Variants in EHBP1 observed in about 807,000 individuals in gnomAD.
EHBP1 encodes the protein EH domain binding protein 1.
A neutral mutation model predicts 144.0 loss-of-function variants in EHBP1; 55 were observed. The ratio of observed to expected loss-of-function variants is 0.38; its 90% CI spans 0.31 to 0.48. EHBP1 has a LOEUF of 0.48. Ranked by LOEUF, EHBP1 falls within the 20% of genes least tolerant of loss-of-function variation. EHBP1 has a pLI of 0.98. For synonymous variants in EHBP1, 469 were observed against 472.7 expected, an observed-to-expected ratio of 0.99 and a Z score of 0.10; for missense variants, 1,200 against 1,364.2, an observed-to-expected ratio of 0.88 and a Z score of 1.90.
rs2059529287 is a variant in EHBP1, at chr2:62,993,986, AT to A, written c.2979+15del. 1 of 1,540,946 alleles carries A rather than the reference AT, an allele frequency of 6.5e-7. No individual in the cohort carries two copies. Among genetic ancestry groups the A allele is most frequent in the Admixed American group, 1.9e-5 (1 of 51,496 alleles). On this transcript the variant is annotated intron_variant, in intron 18 of 22. Coordinates refer to ENST00000431489, the MANE Select transcript of EHBP1 (RefSeq NM_001142616.3). ...AAGATGAAGTGCTTAATGTATATTA[AT>A]TTTTTGTGTGGTTTCATGATTGCTG... is the stretch of plus-strand genomic sequence containing the variant.
chr2:62,738,889 G>T (rs1249237161), intron 2 of EHBP1, among the ~76,000 whole-genome samples: 2 of 152,088 alleles, frequency 1.3e-5, no homozygotes, highest in Non-Finnish European at 2.9e-5. Context: ...CTTCCTTCAA[G>T]TTCTTTTTCT....
At chr2:62,884,073 G>A (rs1412081918) in intron 10 of EHBP1, among the ~76,000 whole-genome samples, 2 of 152,180 alleles carry the variant, frequency 1.3e-5, no homozygotes, top group Non-Finnish European at 2.9e-5. Context: ...ATTTCTGTGT[G>A]TATAAAAAAT....
chr2:62,701,173 A>C (rs1166317819), upstream of EHBP1, among the ~76,000 whole-genome samples: 1 of 152,206 alleles, frequency 6.6e-6, no homozygotes, highest in East Asian at 1.9e-4. Flanking sequence ...GCACTGTCCA[A>C]TAGGAATATA....
intron 5 of EHBP1, among the ~76,000 whole-genome samples, chr2:62,794,347 GATAA>G (rs1163261858): frequency 2.0e-5 from 3 of 152,024 alleles, no homozygotes; most frequent in African/African-American, 4.8e-5. Context: ...TTGGTAGCTT[GATAA>G]ATAGTTTTAT....
intron 5 of EHBP1, among the ~76,000 whole-genome samples, chr2:62,806,773 A>G (rs1018708906): frequency 6.6e-6 from 1 of 151,580 alleles, no homozygotes; most frequent in African/African-American, 2.4e-5. Context: ...GTTCCCCCAG[A>G]GTTTGCAGTC....
chr2:62,997,796 A>T (rs1381942544), intron 19 of EHBP1, among the ~76,000 whole-genome samples: 1 of 152,150 alleles, frequency 6.6e-6, no homozygotes, highest in Non-Finnish European at 1.5e-5. Context: ...TTAGAACAGG[A>T]AGGAACCTTA....
At chr2:62,965,327 C>G (rs1276133764) in intron 14 of EHBP1, among the ~76,000 whole-genome samples, 3 of 152,184 alleles carry the variant, frequency 2.0e-5, no homozygotes, top group African/African-American at 7.2e-5. Flanking sequence ...TTTCCTCTCT[C>G]TTCATTAAGA....
intron 15 of EHBP1, among the ~76,000 whole-genome samples, chr2:62,985,220 A>G (rs571256657): frequency 5.9e-5 from 9 of 152,232 alleles, no homozygotes; most frequent in African/African-American, 2.2e-4. Context: ...TTAGGTCAGC[A>G]ATTTTGCATG....
chr2:62,874,161 A>G (rs1299239879), intron 9 of EHBP1, among the ~76,000 whole-genome samples, 185 bp from the exon 10 acceptor site: 3 of 152,190 alleles, frequency 2.0e-5, no homozygotes, highest in African/African-American at 7.2e-5. Context: ...AAACCAAATT[A>G]AAAAATAAAT....
chr2:62,764,763 G>A (rs940516659), intron 4 of EHBP1, among the ~76,000 whole-genome samples: 11 of 152,114 alleles, frequency 7.2e-5, no homozygotes, highest in Non-Finnish European at 1.3e-4. Context: ...AATGTAACAA[G>A]ATGTGTTTTA....
intron 14 of EHBP1, among the ~76,000 whole-genome samples, chr2:62,978,201 C>CTT (rs1337320404): frequency 1.9e-4 from 26 of 139,552 alleles, no homozygotes; most frequent in Admixed American, 2.9e-4. Flanking sequence ...ATTAATAATC[C>CTT]TTTTTTTTTT....
intron 2 of EHBP1, among the ~76,000 whole-genome samples, chr2:62,724,282 T>G (rs1446000901): frequency 2.6e-5 from 4 of 152,236 alleles, no homozygotes; most frequent in Non-Finnish European, 5.9e-5. Flanking sequence ...TTCTTGTGAT[T>G]GCATTATGAA....
At chr2:62,767,602 A>G (rs188372307) in intron 4 of EHBP1, among the ~76,000 whole-genome samples, 1 of 152,150 alleles carries the variant, frequency 6.6e-6, no homozygotes, top group East Asian at 1.9e-4. Context: ...TGGGAGGTTG[A>G]GGCAAGGAGA....
intron 19 of EHBP1, among the ~76,000 whole-genome samples, chr2:63,009,791 G>C (rs1476195734): frequency 6.6e-6 from 1 of 151,422 alleles, no homozygotes; most frequent in Non-Finnish European, 1.5e-5. Flanking sequence ...TGAAACCTCA[G>C]ACTGTACTGT....
chr2:62,943,752 C>T, intron 11 of EHBP1, 50 bp from the exon 12 acceptor site: 1 of 1,271,640 alleles, frequency 7.9e-7, no homozygotes, highest in Non-Finnish European at 1.1e-6. Flanking sequence ...TTAAAAACAG[C>T]TGTTTTTATC....
intron 10 of EHBP1, among the ~76,000 whole-genome samples, chr2:62,913,993 A>G (rs1429072349): frequency 6.6e-6 from 1 of 152,000 alleles, no homozygotes; most frequent in Non-Finnish European, 1.5e-5. Context: ...TCCTTTGTTT[A>G]TAACACCAAA....
At chr2:62,936,668 T>C (rs746748144) in intron 10 of EHBP1, among the ~76,000 whole-genome samples, 4 of 151,884 alleles carry the variant, frequency 2.6e-5, no homozygotes, top group African/African-American at 4.8e-5. Flanking sequence ...TGGTTGATGT[T>C]TTGTAGAAGA....
At chr2:62,837,943 T>G (rs1284958721) in intron 7 of EHBP1, among the ~76,000 whole-genome samples, 18 of 143,966 alleles carry the variant, frequency 1.3e-4, no homozygotes, top group African/African-American at 4.7e-4. Flanking sequence ...AGACAGAAAG[T>G]CAACAAGGAT....
intron 21 of EHBP1, among the ~76,000 whole-genome samples, chr2:63,039,262 C>T (rs1388682743): frequency 2.0e-5 from 3 of 152,000 alleles, no homozygotes; most frequent in African/African-American, 7.2e-5. Context: ...TCTTAAGATT[C>T]CAACTTGTAT....
Sources: allele counts gnomAD v4.1 joint callset (sites outside exome capture counted in the v4.1 genomes callset), GRCh38; gene constraint gnomAD v4.1.1; transcripts MANE v1.5; gene names NCBI Gene and HGNC (gene_info 2026-07-23, HGNC 2026-07-21).